RABGAP1L: variants seen among roughly 807,000 people sequenced by gnomAD.
RABGAP1L encodes rab GTPase-activating protein 1-like.
Under a neutral mutation model 137.7 loss-of-function variants are expected in RABGAP1L, and 63 were observed. That is an observed-to-expected ratio of 0.46 (90% CI 0.37 to 0.56). The LOEUF (loss-of-function observed/expected upper bound fraction) is 0.56. Among genes scored for constraint, RABGAP1L ranks in the 20% least tolerant of loss-of-function variants. The pLI is 0.00. For missense variants in RABGAP1L, 1,095 were observed against 1,244.0 expected (o/e 0.88, Z 1.80); for synonymous variants, 431 against 433.7 (o/e 0.99, Z 0.08).
chr1:174,510,372 C>A (rs1662222026), intron 13 of RABGAP1L, among the ~76,000 whole-genome samples: 1 of 152,150 alleles, frequency 6.6e-6, no homozygotes. Context: ...AGCAGGTACT[C>A]AGTAAATATT....
chr1:174,161,478 G>A (rs61827903), intron 1 of RABGAP1L, among the ~76,000 whole-genome samples: 13,592 of 152,212 alleles, frequency 0.089, 822 homozygotes, highest in East Asian at 0.22. Flanking sequence ...GACCTCAGGT[G>A]ATCTGCCCGC....
chr1:174,197,294 G>A (rs2148371370), intron 1 of RABGAP1L, among the ~76,000 whole-genome samples: 1 of 152,308 alleles, frequency 6.6e-6, no homozygotes, highest in African/African-American at 2.4e-5. Context: ...TCTGACTCCA[G>A]CAGTTGAGTG....
At chr1:174,261,077 G>T (rs1362717433) in intron 7 of RABGAP1L, among the ~76,000 whole-genome samples, 2 of 151,914 alleles carry the variant, frequency 1.3e-5, no homozygotes, top group African/African-American at 4.8e-5. Context: ...TTGGCACCAG[G>T]TTTTATGTCT....
chr1:174,528,584 GT>G (rs1398905381), intron 13 of RABGAP1L, among the ~76,000 whole-genome samples: 213 of 133,682 alleles, frequency 1.6e-3, no homozygotes, highest in Middle Eastern at 3.9e-3. Flanking sequence ...TAGTCTGATG[GT>G]TTTTTTTTTT....
chr1:174,247,420 A>G (rs1024468014), intron 5 of RABGAP1L, among the ~76,000 whole-genome samples: 2 of 152,192 alleles, frequency 1.3e-5, no homozygotes, highest in East Asian at 1.9e-4. Context: ...GGAGTTATTA[A>G]GAAATTATTT....
chr1:174,233,057 C>T (rs1670820221), intron 4 of RABGAP1L, among the ~76,000 whole-genome samples: 1 of 152,102 alleles, frequency 6.6e-6, no homozygotes, highest in South Asian at 2.1e-4. Flanking sequence ...TGAGGGCCTG[C>T]TTCCTGGTTC....
At chr1:174,618,126 G>C (rs1572540065) in intron 13 of RABGAP1L, among the ~76,000 whole-genome samples, 2 of 152,334 alleles carry the variant, frequency 1.3e-5, no homozygotes, top group East Asian at 3.9e-4. Context: ...GGCTTGAGTA[G>C]GTAAACAAAG....
intron 13 of RABGAP1L, among the ~76,000 whole-genome samples, chr1:174,525,355 C>A (rs1262417565): frequency 6.6e-6 from 1 of 151,944 alleles, no homozygotes; most frequent in Non-Finnish European, 1.5e-5. Context: ...AGAGATTTTT[C>A]ACCTTCTTGG....
At chr1:174,640,477 G>A (rs1193949618) in intron 14 of RABGAP1L, among the ~76,000 whole-genome samples, 15 of 151,986 alleles carry the variant, frequency 9.9e-5, no homozygotes, top group Admixed American at 9.2e-4. Flanking sequence ...AGGCTTAAAG[G>A]TAGTCTAACC....
chr1:174,191,904 A>T (rs1667237199), intron 1 of RABGAP1L, among the ~76,000 whole-genome samples: 1 of 152,220 alleles, frequency 6.6e-6, no homozygotes, highest in Admixed American at 6.5e-5. Flanking sequence ...CATCTACATT[A>T]ATCAGTGGAA....
At chr1:174,197,349 G>A (rs1353104970) in intron 1 of RABGAP1L, among the ~76,000 whole-genome samples, 1 of 152,068 alleles carries the variant, frequency 6.6e-6, no homozygotes, top group African/African-American at 2.4e-5. Context: ...ATCCCAAAGG[G>A]CTTGAACTCT....
intron 1 of RABGAP1L, among the ~76,000 whole-genome samples, chr1:174,162,695 T>G (rs1281915105): frequency 6.6e-6 from 1 of 150,730 alleles, no homozygotes; most frequent in Non-Finnish European, 1.5e-5. Flanking sequence ...TATAAATGGG[T>G]CAGCCGTTGA....
chr1:174,184,971 T>C (rs1215429901), intron 1 of RABGAP1L, among the ~76,000 whole-genome samples: 1 of 152,160 alleles, frequency 6.6e-6, no homozygotes. Flanking sequence ...CTCTAAGTGG[T>C]GTGGGAGGTG....
chr1:174,621,459 C>T (rs1270502458), intron 13 of RABGAP1L, among the ~76,000 whole-genome samples: 1 of 152,190 alleles, frequency 6.6e-6, no homozygotes, highest in Non-Finnish European at 1.5e-5. Context: ...AACTATACTA[C>T]AAGGCTACAG....
At chr1:174,170,202 C>G (rs1665239204) in intron 1 of RABGAP1L, among the ~76,000 whole-genome samples, 1 of 152,314 alleles carries the variant, frequency 6.6e-6, no homozygotes, top group Admixed American at 6.5e-5. Flanking sequence ...GACACAACTT[C>G]TTTCTCCTCT....
intron 17 of RABGAP1L, among the ~76,000 whole-genome samples, chr1:174,725,952 A>G (rs1017187435): frequency 1.3e-5 from 2 of 152,144 alleles, no homozygotes; most frequent in Non-Finnish European, 2.9e-5. Flanking sequence ...CATTGTGCGC[A>G]TGTACCCTGA....
chr1:174,533,121 C>A (rs773749811), intron 13 of RABGAP1L, among the ~76,000 whole-genome samples: 40 of 152,152 alleles, frequency 2.6e-4, no homozygotes, highest in Non-Finnish European at 4.7e-4. Flanking sequence ...GTAATCCCAC[C>A]TAGTCGGGAG....
At chr1:174,492,563 T>A (rs1053750221) in intron 13 of RABGAP1L, among the ~76,000 whole-genome samples, 2 of 152,092 alleles carry the variant, frequency 1.3e-5, no homozygotes, top group African/African-American at 4.8e-5. Context: ...TTAGCCAGGC[T>A]GGTCTCGAAC....
At chr1:174,570,793 A>C (rs537328636) in intron 13 of RABGAP1L, among the ~76,000 whole-genome samples, 25 of 152,358 alleles carry the variant, frequency 1.6e-4, no homozygotes, top group African/African-American at 5.8e-4. Context: ...AAGGATGTGG[A>C]GAAAAGAGAA....
Sources: allele counts gnomAD v4.1 joint callset (sites outside exome capture counted in the v4.1 genomes callset), GRCh38; gene constraint gnomAD v4.1.1; transcripts MANE v1.5; gene names NCBI Gene and HGNC (gene_info 2026-07-23, HGNC 2026-07-21).